The following C6orf89 variants were observed in gnomAD, a reference collection of about 807,000 sequenced individuals.
C6orf89 encodes the protein chromosome 6 open reading frame 89, also known as bombesin receptor-activated protein C6orf89.
C6orf89 carries 29 observed loss-of-function variants against 40.7 expected under a neutral mutation model. The observed-to-expected ratio is 0.71, with a 90% CI of 0.53 to 0.97. The LOEUF (loss-of-function observed/expected upper bound fraction) is 0.97, where lower values mean the gene tolerates loss of function less well. Ranked by LOEUF, C6orf89 falls within the 50% of genes least tolerant of loss-of-function variation. The probability of loss-of-function intolerance (pLI) is 0.00; values close to 1 mark genes in which losing one functional copy is unlikely to be tolerated. For missense variants in C6orf89, 392 were observed against 429.1 expected (o/e 0.91, Z 0.76); for synonymous variants, 165 against 152.2 (o/e 1.08, Z -0.62).
At chr6:36,901,430 G>T (rs1392451714) in intron 3 of C6orf89, among the ~76,000 whole-genome samples, 1 of 137,948 alleles carries the variant, frequency 7.2e-6, no homozygotes, top group East Asian at 2.2e-4. Context: ...CATCTCCCAG[G>T]TTCACACCAT....
intron 2 of C6orf89, among the ~76,000 whole-genome samples, chr6:36,897,342 G>T (rs1188988667): frequency 6.6e-6 from 1 of 152,002 alleles, no homozygotes; most frequent in Non-Finnish European, 1.5e-5. Flanking sequence ...TTCAGAACCT[G>T]TTTATACAAA....
intron 6 of C6orf89, among the ~76,000 whole-genome samples, 163 bp from the exon 7 acceptor site, chr6:36,916,280 ACT>A (rs1762318535): frequency 6.6e-6 from 1 of 152,066 alleles, no homozygotes; most frequent in Non-Finnish European, 1.5e-5. Context: ...TAGTTCATTG[ACT>A]CTGTGCAACT....
chr6:36,894,858 C>T (rs775599064), intron 2 of C6orf89, among the ~76,000 whole-genome samples: 3 of 152,066 alleles, frequency 2.0e-5, no homozygotes, highest in Non-Finnish European at 4.4e-5. Context: ...AATTTTTCTC[C>T]TTCCTGAAGT....
At chr6:36,888,655 G>A (rs6910582) in intron 1 of C6orf89, among the ~76,000 whole-genome samples, 29,545 of 152,030 alleles carry the variant, frequency 0.19, 3,682 homozygotes, top group East Asian at 0.34. Flanking sequence ...TAAAAAACTG[G>A]ACAAGGTAGA....
intron 8 of C6orf89, among the ~76,000 whole-genome samples, chr6:36,922,364 G>T (rs900301932): frequency 1.1e-4 from 17 of 151,912 alleles, no homozygotes; most frequent in Admixed American, 1.1e-3. Flanking sequence ...AAGAAAAAAA[G>T]AATTTTTAAA....
At position 36,899,594 on chromosome 6, in the gene C6orf89, AC is replaced by A. The variant is rs760020887; in HGVS notation, c.158del (p.Pro53ArgfsTer7). On this transcript the variant is annotated frameshift_variant, in exon 3 of 9. Coordinates refer to ENST00000480824, the MANE Select transcript of C6orf89 (RefSeq NM_001286635.2). LOFTEE classifies it high-confidence loss of function. ...QLLEKNEPQR[P>X]PPQYPLLIVV... is the part of the protein sequence containing the mutation. The stretch of plus-strand genomic sequence containing the variant: ...TGCTGGAAAAGAATGAACCTCAGAG[AC>A]CCCCCCCGCAGTATCCTCTCCTTAT... 2.3e-5 allele frequency: 37 copies of A among 1,610,052 alleles called. No individual in the cohort carries two copies. Among genetic ancestry groups the A allele is most frequent in the Middle Eastern group, 1.6e-4 (1 of 6,080 alleles).
At position 36,928,079 on chromosome 6, in the gene C6orf89, C is replaced by T. The variant is rs1762746338; in HGVS notation, c.*4638C>T. ...AGTGCCAAATACATCTGTCATATTC[C>T]TCTCCCTGGAGACTGCGAAATGTCC... On this transcript the variant is annotated 3_prime_UTR_variant, in exon 9 of 9. Transcript: ENST00000480824. 6.6e-6 allele frequency: 1 copy of T among 152,250 alleles called. No individual in the cohort carries two copies. Among genetic ancestry groups the T allele is most frequent in the Non-Finnish European group, 1.5e-5 (1 of 68,070 alleles). 9.4% of individuals were successfully genotyped at this position (152,250 alleles called of 1,614,324 possible).
rs1045409291 is a variant in C6orf89 at position 36,874,834 on chromosome 6, G to T, written c.-628+2867G>T. ...CTACTTCCGGCGTCGATTAGCTGGG[G>T]ACCCGTCGCTGCTGCACACTTCCGG... is the stretch of plus-strand genomic sequence containing the variant. On this transcript the variant is annotated intron_variant, in intron 1 of 9. Transcript: ENST00000359359. 2.5e-6 allele frequency: 4 copies of T among 1,570,388 alleles called. No homozygotes were observed. In the African/African-American group the frequency reaches 4.1e-5, roughly 16 times the overall value.
intron 4 of C6orf89, among the ~76,000 whole-genome samples, chr6:36,906,320 A>G (rs1474885557): frequency 3.3e-5 from 5 of 152,228 alleles, no homozygotes; most frequent in African/African-American, 4.8e-5. Context: ...CTTCTGTGAT[A>G]ATAACAGCTC....
chr6:36,902,441 T>G lies in C6orf89; in HGVS notation c.403+7T>G. ...GAAGACAGACCCTTTCCAGGTAAAA[T>G]GCAACATTTATTACTTATTAGATAT... On this transcript the variant is annotated splice_region_variant and intron_variant, in intron 4 of 8. Coordinates refer to ENST00000480824, the MANE Select transcript of C6orf89 (RefSeq NM_001286635.2). 6.2e-7 allele frequency: 1 copy of G among 1,612,062 alleles called. No homozygotes were observed. The highest frequency in any genetic ancestry group is 8.5e-7 in the Non-Finnish European group (1 of 1,178,172).
At chr6:36,909,181 G>GTTTT (rs67631050) in intron 4 of C6orf89, among the ~76,000 whole-genome samples, 11 of 137,538 alleles carry the variant, frequency 8.0e-5, no homozygotes, top group African/African-American at 2.7e-4. Context: ...GTTGTTGTGG[G>GTTTT]TTTTTTTTTT....
At chr6:36,901,323 T>TAC (rs1382621439) in intron 3 of C6orf89, among the ~76,000 whole-genome samples, 2 of 32,600 alleles carry the variant, frequency 6.1e-5, no homozygotes, top group African/African-American at 3.4e-4. Context: ...TTATTATTAT[T>TAC]TTTTTTTTTT....
intron 1 of C6orf89, among the ~76,000 whole-genome samples, chr6:36,875,774 C>T (rs2150665469): frequency 1.3e-5 from 2 of 152,366 alleles, no homozygotes; most frequent in South Asian, 4.1e-4. Flanking sequence ...TCCCATTTTA[C>T]TTTGAGGAAG....
chr6:36,887,511 G>A (rs745610980), intron 1 of C6orf89, among the ~76,000 whole-genome samples: 5 of 152,166 alleles, frequency 3.3e-5, no homozygotes, highest in Middle Eastern at 3.2e-3. Flanking sequence ...GAGGTGCATA[G>A]GACAAAAACT....
rs577560002 is a variant in C6orf89, at chr6:36,926,494, C to G, written c.*3053C>G. On this transcript the variant is annotated 3_prime_UTR_variant, in exon 9 of 9. Transcript: ENST00000480824. ...ATTGCAGTGAGCCAAGATTGTGCCA[C>G]TTCATTCCAGCCTGGGCGACAGAGC... 5 of 149,332 alleles carry G rather than the reference C, an allele frequency of 3.3e-5. No homozygotes were observed. The East Asian group carries it at 1.0e-3, about 30-fold the overall frequency. 9.3% of individuals were successfully genotyped at this position (149,332 alleles called of 1,614,324 possible).
chr6:36,892,937 A>AT (rs70975194), intron 1 of C6orf89: 380 of 146,988 alleles, frequency 2.6e-3, no homozygotes, highest in African/African-American at 5.4e-3. Flanking sequence ...TTATGTTTGA[A>AT]TTTTTTTTTT....
At chr6:36,879,884 AT>A (rs1041339472) in intron 2 of C6orf89, among the ~76,000 whole-genome samples, 9 of 152,198 alleles carry the variant, frequency 5.9e-5, no homozygotes, top group Non-Finnish European at 1.2e-4. Flanking sequence ...AGCTCTAAAA[AT>A]TATCCTGAGT....
upstream of C6orf89, chr6:36,885,891 T>G (rs577351765): frequency 2.2e-4 from 147 of 668,614 alleles, no homozygotes; most frequent in Non-Finnish European, 2.8e-4. Flanking sequence ...GAGGAATTAC[T>G]CTAGGGTACA....
chr6:36,872,797 A>G (rs1183200376), intron 1 of C6orf89, among the ~76,000 whole-genome samples: 2 of 152,204 alleles, frequency 1.3e-5, no homozygotes, highest in East Asian at 3.9e-4. Context: ...TTTTGTAGAG[A>G]TGGGGTTTCA....
Sources: gnomAD v4.1 joint callset for allele counts (sites outside exome capture counted in the v4.1 genomes callset) on GRCh38, gnomAD v4.1.1 for gene constraint, MANE v1.5 for transcripts, NCBI Gene and HGNC (gene_info 2026-07-23, HGNC 2026-07-21) for gene names.